Variants in XPNPEP2 observed in about 807,000 individuals in gnomAD.
XPNPEP2 encodes the protein xaa-Pro aminopeptidase 2.
A neutral mutation model predicts 59.8 loss-of-function variants in XPNPEP2; 64 were observed. The observed-to-expected ratio is 1.07, with a 90% CI of 0.87 to 1.32. The LOEUF (loss-of-function observed/expected upper bound fraction) is 1.32, where lower values mean the gene tolerates loss of function less well. Among genes scored for constraint, XPNPEP2 ranks in the 40% most tolerant of loss-of-function variants. The pLI is 0.00. For synonymous variants in XPNPEP2, 235 were observed against 210.0 expected (o/e 1.12, Z -1.03); for missense variants, 575 against 546.8 (o/e 1.05, Z -0.51).
chrX:129,757,029 CACACACACATATATATAT>C (rs1401034798), intron 14 of XPNPEP2, among the ~76,000 whole-genome samples: 3 of 94,366 alleles, frequency 3.2e-5, no homozygotes, highest in Non-Finnish European at 6.1e-5. Flanking sequence ...TATATACACA[CACACACACATATATATAT>C]ACACACACAT....
At chrX:129,762,399 G>A (rs1268161616) in intron 18 of XPNPEP2, among the ~76,000 whole-genome samples, 4 of 112,228 alleles carry the variant, frequency 3.6e-5, no homozygotes, top group Admixed American at 9.4e-5. Context: ...CAGGACAGTG[G>A]CATCCAGGGA....
chrX:129,747,792 AAC>A, intron 7 of XPNPEP2, 39 bp downstream of exon 7: 1 of 1,211,009 alleles, frequency 8.3e-7, no homozygotes, highest in Non-Finnish European at 1.1e-6. Flanking sequence ...AACTTGTAGC[AAC>A]GCAGGTCCCG....
At chrX:129,768,260 G>C (rs781643516) in intron 20 of XPNPEP2, 31 bp from the exon 21 acceptor site, 4 of 1,133,515 alleles carry the variant, frequency 3.5e-6, no homozygotes, top group Non-Finnish European at 4.7e-6. Flanking sequence ...GCTTGGCTTA[G>C]AGAGGCTGTC....
chrX:129,739,220 C>A lies in XPNPEP2; in HGVS notation c.7C>A (p.Arg3=). ...GCCGGCATCTGGAGACCCTATGGCC[C>A]GGGCTCACTGGGGCTGCTGCCCCTG... MA[R]AHWGCCPWLV... The change falls in exon 1 of 21, where the codon CGG becomes AGG. Residue 3 remains arginine, a synonymous_variant. Coordinates refer to ENST00000371106, the MANE Select transcript of XPNPEP2 (RefSeq NM_003399.6). 8.3e-7 allele frequency: 1 copy of A among 1,209,626 alleles called. No homozygotes were observed. The highest frequency in any genetic ancestry group is 1.1e-6 in the Non-Finnish European group (1 of 895,387).
chrX:129,749,953 C>T (rs1926361483), intron 7 of XPNPEP2, among the ~76,000 whole-genome samples: 1 of 112,576 alleles, frequency 8.9e-6, no homozygotes, highest in African/African-American at 3.2e-5. Context: ...GAGTGCTTAG[C>T]CCAGTACCCG....
chrX:129,761,126 C>T (rs771937680), intron 16 of XPNPEP2, 46 bp from the exon 17 acceptor site: 1 of 1,165,539 alleles, frequency 8.6e-7, no homozygotes, highest in Non-Finnish European at 1.2e-6. Context: ...GGTGGACAGT[C>T]TTCGGTAAAG....
chrX:129,761,728 G>A (rs780809970), intron 17 of XPNPEP2, among the ~76,000 whole-genome samples: 62 of 111,994 alleles, frequency 5.5e-4, no homozygotes, highest in Non-Finnish European at 7.9e-4. Context: ...GGAGGCTGAG[G>A]TGGGAGGATC....
chrX:129,741,195 A>C (rs1926174673), intron 1 of XPNPEP2, among the ~76,000 whole-genome samples: 1 of 106,572 alleles, frequency 9.4e-6, no homozygotes, highest in Admixed American at 1.0e-4. Context: ...CTCTCGAGTC[A>C]CTCTAAATTG....
intron 1 of XPNPEP2, among the ~76,000 whole-genome samples, chrX:129,740,805 G>A (rs944718824): frequency 9.2e-6 from 1 of 108,366 alleles, no homozygotes; most frequent in Non-Finnish European, 1.9e-5. Flanking sequence ...GCTGGGTGTG[G>A]TGGGTGCATG....
chrX:129,767,680 G>C lies in XPNPEP2; in HGVS notation c.1818G>C (p.Leu606=). The C allele has an allele frequency of 2.5e-6, 3 of 1,211,517 alleles. No homozygotes were observed. Among genetic ancestry groups the C allele is most frequent in the Non-Finnish European group, 3.4e-6 (3 of 895,368 alleles). ...YDRNLIDVSL[L]SPEHLQYLNR... ...GGAACCTCATCGATGTCAGCCTGCTGTCTCCCGAGCATGTGAGTGCCCCTC... is the reference window on the plus strand; with the variant it reads ...GGAACCTCATCGATGTCAGCCTGCTCTCTCCCGAGCATGTGAGTGCCCCTC... The change falls in exon 20 of 21, where the codon CTG becomes CTC. Residue 606 remains leucine, a synonymous_variant. Coordinates refer to ENST00000371106, the MANE Select transcript of XPNPEP2 (RefSeq NM_003399.6).
Position 129,768,489 on chromosome X carries a change from C to T in XPNPEP2, c.*4C>T, listed in dbSNP as rs1447415536. On this transcript the variant is annotated 3_prime_UTR_variant, in exon 21 of 21. Coordinates refer to ENST00000371106, the MANE Select transcript of XPNPEP2 (RefSeq NM_003399.6). Reference sequence around the variant, plus strand: ...CATCCTTGGCTGGAGTGTCTAGAGGCTCCAGACTCTCCTGTTAACCCTCCA... The same window carrying T: ...CATCCTTGGCTGGAGTGTCTAGAGGTTCCAGACTCTCCTGTTAACCCTCCA... 2.6e-6 allele frequency: 3 copies of T among 1,153,802 alleles called. No individual in the cohort carries two copies. In the Admixed American group the frequency reaches 8.1e-5, roughly 31 times the overall value.
chrX:129,753,005 G>A (rs1228077171), intron 10 of XPNPEP2, among the ~76,000 whole-genome samples, 154 bp from the exon 11 acceptor site: 1 of 112,425 alleles, frequency 8.9e-6, no homozygotes, highest in African/African-American at 3.2e-5. Context: ...CACACACAGA[G>A]TAGAGAGCAT....
In XPNPEP2 at chrX:129,762,747, C is replaced by A. The variant is rs755952864; in HGVS notation, c.1717C>A (p.Leu573Ile). 8.3e-7 allele frequency: 1 copy of A among 1,211,718 alleles called. No individual in the cohort carries two copies. Among genetic ancestry groups the A allele is most frequent in the Admixed American group, 2.2e-5 (1 of 46,042 alleles). Residue 573 changes from leucine to isoleucine, a missense_variant, in exon 19 of 21, where the codon CTC becomes ATC. Leu to Ile is a conservative substitution (Grantham distance 5). Transcript: ENST00000371106. Reference sequence around the variant, plus strand: ...TGGGATCCGTCTCGAAGATGTGGCTCTCGTGGTAGAAGCAAAGACCAAGGT... The same window carrying A: ...TGGGATCCGTCTCGAAGATGTGGCTATCGTGGTAGAAGCAAAGACCAAGGT... ...EFGIRLEDVA[L>I]VVEAKTKYPG...
rs1171018862 is a variant in XPNPEP2, at chrX:129,739,185, T to C, written c.-29T>C. ...CCTCCCTCTCTCCCTTGTCCCTCCA[T>C]CCACCCAGCGCCGGCATCTGGAGAC... is the stretch of plus-strand genomic sequence containing the variant. On this transcript the variant is annotated 5_prime_UTR_variant, in exon 1 of 21. Transcript: ENST00000371106. 5.0e-6 allele frequency: 6 copies of C among 1,201,710 alleles called. No homozygotes were observed. The highest frequency in any genetic ancestry group is 6.7e-6 in the Non-Finnish European group (6 of 892,206).
At chrX:129,749,796 T>G (rs1344000103) in intron 7 of XPNPEP2, among the ~76,000 whole-genome samples, 1 of 112,925 alleles carries the variant, frequency 8.9e-6, no homozygotes, top group Non-Finnish European at 1.9e-5. Context: ...ATTAAGAGCG[T>G]GGGCCATGCA....
intron 13 of XPNPEP2, 69 bp from the exon 14 acceptor site, chrX:129,756,415 C>A: frequency 9.0e-7 from 1 of 1,115,943 alleles, no homozygotes. Context: ...GAGGTCCTCC[C>A]ACCAAGGCCT....
rs1926797482 is a variant in XPNPEP2, at chrX:129,768,603, T to C, written c.*118T>C. 1.6e-6 allele frequency: 1 copy of C among 636,151 alleles called. No individual in the cohort carries two copies. Among genetic ancestry groups the C allele is most frequent in the South Asian group, 5.2e-5 (1 of 19,049 alleles). The allele number at this position is 636,151 out of a possible 1,213,427, so 52.4% of individuals were successfully genotyped here. A position where few individuals can be genotyped will look rare whatever the true frequency, so the allele number is the denominator to read the frequency against. ...CTGCTGGCCCATTGCCTAGAAACCT[T>C]TGCATTCATCCTCCTTCTCCAAGAC... On this transcript the variant is annotated 3_prime_UTR_variant, in exon 21 of 21. Transcript: ENST00000371106.
chrX:129,748,860 C>T (rs1422791496), intron 7 of XPNPEP2, among the ~76,000 whole-genome samples: 2 of 111,332 alleles, frequency 1.8e-5, no homozygotes, highest in African/African-American at 6.5e-5. Flanking sequence ...GCCGAGTCAT[C>T]ACCCGCTGCC....
chrX:129,740,544 G>A (rs1034759766), intron 1 of XPNPEP2, among the ~76,000 whole-genome samples: 3 of 110,120 alleles, frequency 2.7e-5, no homozygotes, highest in Non-Finnish European at 5.7e-5. Context: ...CAGGAGAATC[G>A]CTTGAACTCA....
Sources: allele counts gnomAD v4.1 joint callset (sites outside exome capture counted in the v4.1 genomes callset), GRCh38; gene constraint gnomAD v4.1.1; transcripts MANE v1.5; gene names NCBI Gene and HGNC (gene_info 2026-07-23, HGNC 2026-07-21).